SLC2A13: variants seen among roughly 807,000 people sequenced by gnomAD.
SLC2A13 encodes the protein solute carrier family 2 member 13, also known as proton myo-inositol cotransporter.
Under a neutral mutation model 64.4 loss-of-function variants are expected in SLC2A13, and 32 were observed. The ratio of observed to expected loss-of-function variants is 0.50; its 90% confidence interval spans 0.37 to 0.67. The LOEUF (loss-of-function observed/expected upper bound fraction) is 0.67. SLC2A13 is among the 30% of genes least tolerant of loss of function. SLC2A13 has a pLI of 0.00. For missense variants in SLC2A13, 743 were observed against 829.2 expected (o/e 0.90, Z 1.28); for synonymous variants, 338 against 327.1 (o/e 1.03, Z -0.36).
chr12:39,984,750 T>C (rs961391685), intron 3 of SLC2A13, among the ~76,000 whole-genome samples: 4 of 152,218 alleles, frequency 2.6e-5, no homozygotes, highest in Non-Finnish European at 4.4e-5. Context: ...TCCGTCTTGA[T>C]GAAAAATGGA....
At chr12:39,923,248 A>C (rs1240958901) in intron 4 of SLC2A13, among the ~76,000 whole-genome samples, 1 of 152,054 alleles carries the variant, frequency 6.6e-6, no homozygotes, top group African/African-American at 2.4e-5. Context: ...AAAAGTGGAA[A>C]CAACACAAGT....
intron 4 of SLC2A13, among the ~76,000 whole-genome samples, chr12:39,904,884 C>G (rs117743269): frequency 6.6e-6 from 1 of 152,074 alleles, no homozygotes; most frequent in Non-Finnish European, 1.5e-5. Context: ...TGCATTGCCT[C>G]GTCATTGTGT....
chr12:40,081,257 G>GT (rs1235874615), intron 1 of SLC2A13, among the ~76,000 whole-genome samples: 1 of 152,192 alleles, frequency 6.6e-6, no homozygotes, highest in Non-Finnish European at 1.5e-5. Context: ...TTCTAGTGAG[G>GT]TTGGGGAAAT....
chr12:39,793,333 A>C (rs944363176), intron 7 of SLC2A13, among the ~76,000 whole-genome samples: 1 of 152,170 alleles, frequency 6.6e-6, no homozygotes, highest in Non-Finnish European at 1.5e-5. Flanking sequence ...AAAATATTAA[A>C]GACTAAATAA....
intron 7 of SLC2A13, among the ~76,000 whole-genome samples, chr12:39,822,572 G>A (rs1457349830): frequency 1.3e-5 from 2 of 151,978 alleles, no homozygotes; most frequent in East Asian, 3.9e-4. Flanking sequence ...ACCTTCTGAT[G>A]CTTACTTGCC....
rs915988832 is a variant in SLC2A13 at position 39,755,086 on chromosome 12, CTT to C, written c.*4938_*4939del. 6.6e-6 allele frequency: 1 copy of C among 151,794 alleles called. No homozygotes were observed. The highest frequency in any genetic ancestry group is 1.5e-5 in the Non-Finnish European group (1 of 67,858). The allele number at this position is 151,794 out of a possible 1,614,324, so 9.4% of individuals were successfully genotyped here. ...TTCATTTACAGTTCTGGCACTGACA[CTT>C]TTTTTAAAAAAAGATTTTAATTTTA... On this transcript the variant is annotated 3_prime_UTR_variant, in exon 10 of 10. Transcript: ENST00000280871.
At chr12:39,784,762 A>C (rs556374456) in intron 7 of SLC2A13, among the ~76,000 whole-genome samples, 1 of 152,218 alleles carries the variant, frequency 6.6e-6, no homozygotes, top group Non-Finnish European at 1.5e-5. Flanking sequence ...GCACAGCAAA[A>C]GAAACTACCA....
intron 4 of SLC2A13, among the ~76,000 whole-genome samples, chr12:39,935,003 C>T (rs929614982): frequency 3.3e-5 from 5 of 152,194 alleles, no homozygotes; most frequent in Non-Finnish European, 5.9e-5. Context: ...AACTGACTAA[C>T]TTAGATTTTC....
chr12:39,853,567 T>C (rs1943525548), intron 6 of SLC2A13, among the ~76,000 whole-genome samples: 1 of 151,996 alleles, frequency 6.6e-6, no homozygotes, highest in Non-Finnish European at 1.5e-5. Context: ...CTTTCTCTTT[T>C]TCCTTCCTTT....
At chr12:39,782,654 C>T (rs189523963) in intron 7 of SLC2A13, among the ~76,000 whole-genome samples, 253 of 152,208 alleles carry the variant, frequency 1.7e-3, no homozygotes, top group Middle Eastern at 3.4e-3. Context: ...GTGAACTTGA[C>T]ATTGGAACTG....
rs1487666611 is a variant in SLC2A13 at position 39,777,932 on chromosome 12, CA to C, written c.1446-13075del. ...AAAGCCCTCTGTCCCTGCAGTAAGG[CA>C]GGGGTCTAATTGAGCTGACTAACAC... On this transcript the variant is annotated intron_variant, in intron 7 of 9. Coordinates refer to ENST00000280871, the MANE Select transcript of SLC2A13 (RefSeq NM_052885.4). Among the ~76,000 whole-genome samples, 6 of 152,334 alleles carry C rather than the reference CA, an allele frequency of 3.9e-5. No homozygotes were observed. The South Asian group carries it at 6.2e-4, about 16-fold the overall frequency.
chr12:39,816,931 C>T lies in SLC2A13; in HGVS notation c.1445+13172G>A, dbSNP rs556098922. 1.1e-3 allele frequency among the ~76,000 whole-genome samples: 167 copies of T among 152,250 alleles called. 2 individuals carry two copies. Among genetic ancestry groups the T allele is most frequent in the African/African-American group, 3.7e-3 (153 of 41,544 alleles). On this transcript the variant is annotated intron_variant, in intron 7 of 9. Coordinates refer to ENST00000280871, the MANE Select transcript of SLC2A13 (RefSeq NM_052885.4). ...TTTTAGCTTTTTTACATCCTATACACTGGGTATGCTTTATCATTTCCTTTT... is the reference window on the plus strand; with the variant it reads ...TTTTAGCTTTTTTACATCCTATACATTGGGTATGCTTTATCATTTCCTTTT...
At chr12:39,897,546 G>A (rs969098825) in intron 4 of SLC2A13, among the ~76,000 whole-genome samples, 7 of 152,152 alleles carry the variant, frequency 4.6e-5, no homozygotes, top group Non-Finnish European at 7.4e-5. Context: ...CCTGTGTGGG[G>A]ATGGAAATGT....
chr12:39,835,560 T>C (rs1042326473), intron 6 of SLC2A13: 3 of 152,080 alleles, frequency 2.0e-5, no homozygotes, highest in African/African-American at 7.2e-5. Context: ...CAGTTTAAAT[T>C]TCAGGCTAAT....
chr12:40,070,979 C>T (rs1937935752), intron 1 of SLC2A13, among the ~76,000 whole-genome samples: 1 of 152,142 alleles, frequency 6.6e-6, no homozygotes, highest in East Asian at 1.9e-4. Flanking sequence ...TATGCAGGGA[C>T]TTCAAGGTGG....
chr12:39,775,562 A>ACTT (rs1940744997), intron 7 of SLC2A13, among the ~76,000 whole-genome samples: 1 of 152,220 alleles, frequency 6.6e-6, no homozygotes, highest in African/African-American at 2.4e-5. Context: ...ATAAGAAAAT[A>ACTT]CTTTGAAGTT....
intron 4 of SLC2A13, among the ~76,000 whole-genome samples, chr12:39,927,543 A>G (rs183094150): frequency 1.1e-3 from 168 of 152,326 alleles, no homozygotes; most frequent in African/African-American, 3.7e-3. Context: ...TTGCGTGTTC[A>G]TTATATGTGG....
intron 4 of SLC2A13, among the ~76,000 whole-genome samples, chr12:39,879,365 C>G (rs1175212949): frequency 6.6e-6 from 1 of 152,208 alleles, no homozygotes; most frequent in Non-Finnish European, 1.5e-5. Context: ...AGCTTGCACC[C>G]TGCGTCTGGA....
intron 4 of SLC2A13, among the ~76,000 whole-genome samples, chr12:39,944,925 T>C (rs1271033028): frequency 6.6e-6 from 1 of 152,214 alleles, no homozygotes; most frequent in African/African-American, 2.4e-5. Context: ...CTGTTTTTTC[T>C]TTTTAATGTG....
Sources: gnomAD v4.1 joint callset for allele counts (sites outside exome capture counted in the v4.1 genomes callset) on GRCh38, gnomAD v4.1.1 for gene constraint, MANE v1.5 for transcripts, NCBI Gene and HGNC (gene_info 2026-07-23, HGNC 2026-07-21) for gene names.